KCNJ4: variants seen among roughly 807,000 people sequenced by gnomAD.
KCNJ4 encodes the protein inward rectifier potassium channel 4.
Under a neutral mutation model 25.6 loss-of-function variants are expected in KCNJ4, and 3 were observed. That is an observed-to-expected ratio of 0.12 (90% CI 0.05 to 0.30). The LOEUF (loss-of-function observed/expected upper bound fraction) is 0.30. Among genes scored for constraint, KCNJ4 ranks in the 10% least tolerant of loss-of-function variants. KCNJ4 has a pLI of 1.00. For missense variants in KCNJ4, 286 were observed against 666.8 expected (o/e 0.43, Z 6.29); for synonymous variants, 257 against 283.9 (o/e 0.91, Z 0.95).
At chr22:38,451,157 G>A (rs762604716) in intron 1 of KCNJ4, among the ~76,000 whole-genome samples, 11 of 152,194 alleles carry the variant, frequency 7.2e-5, no homozygotes, top group Middle Eastern at 3.2e-3. Context: ...GGGAAGCGAT[G>A]GGCACTGCTT....
At chr22:38,444,046 G>T (rs1288061686) in intron 1 of KCNJ4, among the ~76,000 whole-genome samples, 1 of 151,964 alleles carries the variant, frequency 6.6e-6, no homozygotes, top group Admixed American at 6.6e-5. Flanking sequence ...AGACTCCACC[G>T]CTTGTGCCTT....
At chr22:38,432,728 GGAGGCA>G (rs1300663221) in intron 1 of KCNJ4, among the ~76,000 whole-genome samples, 2 of 152,146 alleles carry the variant, frequency 1.3e-5, no homozygotes, top group African/African-American at 4.8e-5. Flanking sequence ...CAGAACTTTG[GGAGGCA>G]GAGGCAGGCG....
At chr22:38,441,033 A>T (rs114888019) in intron 1 of KCNJ4, among the ~76,000 whole-genome samples, 1 of 152,262 alleles carries the variant, frequency 6.6e-6, no homozygotes, top group African/African-American at 2.4e-5. Context: ...AAGGGCATGG[A>T]AAAGGAGAGG....
rs754695106 is a variant in KCNJ4, at chr22:38,432,280, T to TAAATA, written c.-39-4114_-39-4110dup. Among the ~76,000 whole-genome samples the TAAATA allele has an allele frequency of 3.8e-3, 553 of 147,246 alleles. 3 individuals are homozygous for TAAATA. The highest frequency in any genetic ancestry group is 5.4e-3 in the Non-Finnish European group (365 of 67,288). ...CAAAATAAATAAATAAATAAATAAATAAATAAAATAAAATAAAATAAAATA... is the reference window on the plus strand; with the variant it reads ...CAAAATAAATAAATAAATAAATAAATAAATAAAATAAAATAAAATAAAATAAAATA... On this transcript the variant is annotated intron_variant, in intron 1 of 1. Transcript: ENST00000303592.
In KCNJ4 at chr22:38,443,971, C is replaced by G. The variant is rs2089355988; in HGVS notation, c.-40+11009G>C. On this transcript the variant is annotated intron_variant, in intron 1 of 1. Transcript: ENST00000303592. This position sits in a 1 kb window ranked among gnomAD's most constrained non-coding sequence, Gnocchi z 4.1. ...CTTCCTTCCCGTCCCTTTAACGCAC[C>G]AAGTTTATTCCTGTCTCTGGGCCTT... Among the ~76,000 whole-genome samples the G allele has an allele frequency of 6.6e-6, 1 of 152,114 alleles. No individual in the cohort carries two copies. Among genetic ancestry groups the G allele is most frequent in the South Asian group, 2.1e-4 (1 of 4,828 alleles).
At chr22:38,450,114 G>C (rs1008010003) in intron 1 of KCNJ4, among the ~76,000 whole-genome samples, 1 of 152,224 alleles carries the variant, frequency 6.6e-6, no homozygotes, top group Non-Finnish European at 1.5e-5. Flanking sequence ...CACGTAGCGA[G>C]GGGAAGAGGG....
intron 1 of KCNJ4, among the ~76,000 whole-genome samples, chr22:38,438,300 T>G (rs982782179): frequency 1.2e-4 from 17 of 147,730 alleles, no homozygotes; most frequent in Non-Finnish European, 1.3e-4. Flanking sequence ...CTTGGGAGGC[T>G]GAGGCAGGAG....
At position 38,449,419 on chromosome 22, in the gene KCNJ4, C is replaced by G. The variant is rs955349271; in HGVS notation, c.-40+5561G>C. Reference sequence around the variant, plus strand: ...GTGAAATCATGAATATGAAGCCCAGCGCTGAGCCTGGCACTCAGCTTCCCT... The same window carrying G: ...GTGAAATCATGAATATGAAGCCCAGGGCTGAGCCTGGCACTCAGCTTCCCT... On this transcript the variant is annotated intron_variant, in intron 1 of 1. Transcript: ENST00000303592. The surrounding 1 kb of genome is among the most constrained non-coding windows in gnomAD (Gnocchi z 5.2). Among the ~76,000 whole-genome samples, 1 of 152,282 alleles carries G rather than the reference C, an allele frequency of 6.6e-6. No homozygotes were observed. The highest frequency in any genetic ancestry group is 6.5e-5 in the Admixed American group (1 of 15,298).
At chr22:38,429,092 A>AG (rs2093041518) in intron 1 of KCNJ4, among the ~76,000 whole-genome samples, 1 of 146,170 alleles carries the variant, frequency 6.8e-6, no homozygotes, top group Non-Finnish European at 1.5e-5. Flanking sequence ...TCAAAAAAAA[A>AG]AAAAAAAAAA....
chr22:38,439,953 T>C (rs2089320447), intron 1 of KCNJ4, among the ~76,000 whole-genome samples: 1 of 151,180 alleles, frequency 6.6e-6, no homozygotes, highest in Non-Finnish European at 1.5e-5. Flanking sequence ...TAGCCGGGCA[T>C]GGTGGCGGGC....
intron 1 of KCNJ4, among the ~76,000 whole-genome samples, chr22:38,451,619 G>A (rs1165857589): frequency 6.6e-6 from 1 of 152,206 alleles, no homozygotes. Context: ...GTGTTACACA[G>A]GGACATCTGT....
At chr22:38,448,474 CCT>C (rs996803413) in intron 1 of KCNJ4, among the ~76,000 whole-genome samples, 1 of 152,120 alleles carries the variant, frequency 6.6e-6, no homozygotes, top group Non-Finnish European at 1.5e-5. Flanking sequence ...ATCCCAGGCC[CCT>C]GACGCAGGCC....
intron 1 of KCNJ4, among the ~76,000 whole-genome samples, chr22:38,448,636 G>A (rs1438721865): frequency 1.3e-5 from 2 of 152,188 alleles, no homozygotes; most frequent in Non-Finnish European, 2.9e-5. Context: ...GAGAGGAGGG[G>A]CCGGCAGCCC....
At chr22:38,438,613 C>A (rs543296975) in intron 1 of KCNJ4, among the ~76,000 whole-genome samples, 4 of 146,620 alleles carry the variant, frequency 2.7e-5, no homozygotes, top group Non-Finnish European at 4.5e-5. Flanking sequence ...CGCTTGAATC[C>A]GGGAGGTGGA....
At chr22:38,440,331 C>T (rs1453786491) in intron 1 of KCNJ4, among the ~76,000 whole-genome samples, 2 of 152,118 alleles carry the variant, frequency 1.3e-5, no homozygotes, top group African/African-American at 4.8e-5. Flanking sequence ...CACCTGAGGT[C>T]AGGAGTTTGA....
At chr22:38,432,301 A>G (rs1245127983) in intron 1 of KCNJ4, among the ~76,000 whole-genome samples, 1 of 151,566 alleles carries the variant, frequency 6.6e-6, no homozygotes, top group Non-Finnish European at 1.5e-5. Context: ...AAATAAAATA[A>G]AATAAAAAAG....
At chr22:38,446,434 C>A (rs2089375305) in intron 1 of KCNJ4, among the ~76,000 whole-genome samples, 2 of 139,790 alleles carry the variant, frequency 1.4e-5, no homozygotes, top group Non-Finnish European at 3.0e-5. Flanking sequence ...TGGCACTCAG[C>A]CAGCCTTGCC....
rs906045445 is a variant in KCNJ4 at position 38,443,904 on chromosome 22, C to T, written c.-40+11076G>A. ...CCCCGCCTCAGAGAGGTCCTGCCCT[C>T]TCTGACTGCACCCCCTCCACTCTCC... On this transcript the variant is annotated intron_variant, in intron 1 of 1. Coordinates refer to ENST00000303592, the MANE Select transcript of KCNJ4 (RefSeq NM_152868.3). The surrounding 1 kb of genome is among the most constrained non-coding windows in gnomAD (Gnocchi z 4.1). 2.0e-5 allele frequency among the ~76,000 whole-genome samples: 3 copies of T among 152,172 alleles called. No individual in the cohort carries two copies. Among genetic ancestry groups the T allele is most frequent in the South Asian group, 4.1e-4 (2 of 4,826 alleles).
rs2089399570 is a variant in KCNJ4 at position 38,449,855 on chromosome 22, T to C, written c.-40+5125A>G. Among the ~76,000 whole-genome samples, 2 of 152,204 alleles carry C rather than the reference T, an allele frequency of 1.3e-5. No homozygotes were observed. The highest frequency in any genetic ancestry group is 2.9e-5 in the Non-Finnish European group (2 of 68,016). ...TGTTGGGCCACGGGGCCAGGATTGG[T>C]CAAGACCTTTGGGAGTGGGGGGCCA... is the stretch of plus-strand genomic sequence containing the variant. On this transcript the variant is annotated intron_variant, in intron 1 of 1. Transcript: ENST00000303592. The surrounding 1 kb of genome is among the most constrained non-coding windows in gnomAD (Gnocchi z 5.2).
Sources: allele counts gnomAD v4.1 joint callset (sites outside exome capture counted in the v4.1 genomes callset), GRCh38; gene constraint gnomAD v4.1.1; non-coding constraint Gnocchi (gnomAD v3.1); transcripts MANE v1.5; gene names NCBI Gene and HGNC (gene_info 2026-07-23, HGNC 2026-07-21).